The following EPHX2 variants were observed in gnomAD, a reference collection of about 807,000 sequenced individuals.
EPHX2 encodes bifunctional epoxide hydrolase 2.
A neutral mutation model predicts 78.7 loss-of-function variants in EPHX2; 74 were observed. The ratio of observed to expected loss-of-function variants is 0.94; its 90% CI spans 0.78 to 1.14. EPHX2 has a LOEUF of 1.14. EPHX2 is among the 50% of genes most tolerant of loss of function. EPHX2 has a pLI of 0.00. For missense variants in EPHX2, 715 were observed against 702.5 expected (o/e 1.02, Z -0.20); for synonymous variants, 251 against 255.2 (o/e 0.98, Z 0.16).
chr8:27,525,468 G>T lies in EPHX2; in HGVS notation c.1165G>T (p.Glu389Ter). Residue 389 changes from glutamate to a stop codon, truncating the protein, a stop_gained, in exon 12 of 19, where the codon GAA becomes TAA. Transcript: ENST00000521400. LOFTEE classifies it high-confidence loss of function. ...ATTTGATTACCAGCTCTACTTCCAAGAACCAGTAAGTATGGCACCAAGGGC... is the reference window on the plus strand; with the variant it reads ...ATTTGATTACCAGCTCTACTTCCAATAACCAGTAAGTATGGCACCAAGGGC... Reference protein sequence around the residue: ...PVFDYQLYFQEPGVAEAELEQ... With the variant: ...PVFDYQLYFQ 1.9e-6 allele frequency: 3 copies of T among 1,613,122 alleles called. No homozygotes were observed. Among genetic ancestry groups the T allele is most frequent in the Non-Finnish European group, 2.5e-6 (3 of 1,179,072 alleles).
chr8:27,541,906 G>A (rs944499706), intron 16 of EPHX2, among the ~76,000 whole-genome samples: 3 of 152,214 alleles, frequency 2.0e-5, no homozygotes, highest in Non-Finnish European at 2.9e-5. Flanking sequence ...CCAGAGGAGC[G>A]TTAGGTGCTC....
At chr8:27,541,607 G>T (rs976401805) in intron 16 of EPHX2, 65 bp downstream of exon 16, 3 of 1,564,132 alleles carry the variant, frequency 1.9e-6, no homozygotes, top group South Asian at 1.1e-5. Context: ...CTTCCCATTG[G>T]CCTGAGCTGA....
intron 12 of EPHX2, among the ~76,000 whole-genome samples, chr8:27,529,182 A>C (rs1368566554): frequency 6.6e-6 from 1 of 152,114 alleles, no homozygotes; most frequent in Non-Finnish European, 1.5e-5. Context: ...AGCTCTTTGA[A>C]CCCTTAGCCA....
intron 14 of EPHX2, among the ~76,000 whole-genome samples, 189 bp from the exon 15 acceptor site, chr8:27,540,365 G>A (rs941944179): frequency 2.0e-5 from 3 of 152,142 alleles, no homozygotes; most frequent in Non-Finnish European, 2.9e-5. Flanking sequence ...CAGTGTGACC[G>A]TGAGATCACA....
downstream of EPHX2, among the ~76,000 whole-genome samples, chr8:27,547,986 C>T (rs146788965): frequency 2.5e-3 from 375 of 152,220 alleles, 1 homozygote; most frequent in African/African-American, 8.8e-3. Flanking sequence ...TAAAAGAAAT[C>T]GGCCCTTAAA....
chr8:27,513,483 G>T (rs1297208323), intron 6 of EPHX2, among the ~76,000 whole-genome samples: 1 of 152,124 alleles, frequency 6.6e-6, no homozygotes, highest in Non-Finnish European at 1.5e-5. Flanking sequence ...GAAGGAGTGT[G>T]ATCAGAATCA....
At chr8:27,522,385 C>G (rs768828618) in intron 10 of EPHX2, 38 bp from the exon 11 acceptor site, 5 of 1,605,822 alleles carry the variant, frequency 3.1e-6, no homozygotes, top group South Asian at 1.1e-5. Flanking sequence ...GTTCCAGAAG[C>G]CTCCCCACAT....
chr8:27,547,050 A>G (rs1269805406), downstream of EPHX2, among the ~76,000 whole-genome samples: 2 of 152,148 alleles, frequency 1.3e-5, no homozygotes, highest in Admixed American at 1.3e-4. Context: ...ATCTCATGGG[A>G]ACTCACCATC....
At chr8:27,536,015 C>T (rs75798421) in intron 12 of EPHX2, among the ~76,000 whole-genome samples, 1,915 of 152,232 alleles carry the variant, frequency 0.013, 42 homozygotes, top group African/African-American at 0.044. Flanking sequence ...AGAGAATTCC[C>T]ACCATACACA....
intron 8 of EPHX2, among the ~76,000 whole-genome samples, chr8:27,516,897 A>C: frequency 6.7e-6 from 1 of 150,168 alleles, no homozygotes; most frequent in African/African-American, 2.5e-5. Context: ...CATGTTATAG[A>C]CGGCACCACA....
At chr8:27,538,885 C>G in intron 14 of EPHX2, 193 bp downstream of exon 14, 2 of 610,666 alleles carry the variant, frequency 3.3e-6, no homozygotes, top group Non-Finnish European at 2.9e-6. Context: ...GAGTTCCTAC[C>G]CTCTAGGGAG....
chr8:27,500,681 A>G (rs1813730844), intron 1 of EPHX2, among the ~76,000 whole-genome samples: 2 of 152,156 alleles, frequency 1.3e-5, no homozygotes, highest in South Asian at 4.1e-4. Context: ...TGAAGCTGCT[A>G]TTAGGTGGTT....
chr8:27,517,180 T>C (rs1166291981), intron 8 of EPHX2, among the ~76,000 whole-genome samples: 1 of 152,228 alleles, frequency 6.6e-6, no homozygotes, highest in South Asian at 2.1e-4. Context: ...TAATTTTTTC[T>C]TGTATTTTCT....
chr8:27,518,178 C>A, intron 9 of EPHX2, 106 bp downstream of exon 9: 1 of 894,798 alleles, frequency 1.1e-6, no homozygotes. Context: ...ATTTCACAGC[C>A]TCTGGGTATA....
In EPHX2 at chr8:27,506,917, G is replaced by A. The variant is rs752645291; in HGVS notation, c.583G>A (p.Asp195Asn). 4 of 1,614,108 alleles carry A rather than the reference G, an allele frequency of 2.5e-6. No individual in the cohort carries two copies. The South Asian group carries it at 4.4e-5, about 18-fold the overall frequency. ...CGGGGCTAATCTGAAGCCAGCCCGT[G>A]ACTTGGGAATGGTCACCATCCTGGT... ...DIGANLKPAR[D>N]LGMVTILVQD... is the part of the protein sequence containing the mutation. Residue 195 changes from aspartate to asparagine, a missense_variant, in exon 5 of 19, where the codon GAC (aspartate) becomes AAC (asparagine). Transcript: ENST00000521400.
chr8:27,530,547 T>C (rs1049882316), intron 12 of EPHX2, among the ~76,000 whole-genome samples: 1 of 152,202 alleles, frequency 6.6e-6, no homozygotes, highest in East Asian at 1.9e-4. Context: ...TTAATACATA[T>C]TGCACAGATT....
At chr8:27,523,529 C>G (rs1814721449) in intron 11 of EPHX2, among the ~76,000 whole-genome samples, 2 of 152,198 alleles carry the variant, frequency 1.3e-5, no homozygotes, top group African/African-American at 4.8e-5. Flanking sequence ...ATTTCCCTAA[C>G]TAACCCAGTT....
intron 14 of EPHX2, among the ~76,000 whole-genome samples, chr8:27,539,491 T>C (rs539944152): frequency 3.0e-4 from 46 of 152,342 alleles, no homozygotes; most frequent in Admixed American, 7.2e-4. Flanking sequence ...CCTCTGACCC[T>C]GCAGGCCATG....
chr8:27,522,403 C>G lies in EPHX2; in HGVS notation c.973-20C>G. On this transcript the variant is annotated intron_variant, in intron 10 of 18. Transcript: ENST00000521400. Reference sequence around the variant, plus strand: ...CCAGAAGCCTCCCCACATTCGGCTCCCTTCTTTTTCCTTCTCTAGGGCCTC... The same window carrying G: ...CCAGAAGCCTCCCCACATTCGGCTCGCTTCTTTTTCCTTCTCTAGGGCCTC... 3.4e-4 allele frequency: 512 copies of G among 1,523,752 alleles called. No individual in the cohort carries two copies. The highest frequency in any genetic ancestry group is 4.2e-4 in the Non-Finnish European group (463 of 1,098,484). 94.4% of individuals were successfully genotyped at this position (1,523,752 alleles called of 1,614,324 possible). A position where few individuals can be genotyped will look rare whatever the true frequency, so the allele number is the denominator to read the frequency against.
Sources: allele counts gnomAD v4.1 joint callset (sites outside exome capture counted in the v4.1 genomes callset), GRCh38; gene constraint gnomAD v4.1.1; transcripts MANE v1.5; gene names NCBI Gene and HGNC (gene_info 2026-07-23, HGNC 2026-07-21).